KIAA0930: variants seen among roughly 807,000 people sequenced by gnomAD.
The protein encoded by KIAA0930 is uncharacterized protein KIAA0930.
Under a neutral mutation model 43.9 loss-of-function variants are expected in KIAA0930, and 24 were observed. The observed-to-expected ratio is 0.55, with a 90% confidence interval of 0.40 to 0.77. The LOEUF (loss-of-function observed/expected upper bound fraction) is 0.77, where lower values mean the gene tolerates loss of function less well. KIAA0930 is among the 30% of genes least tolerant of loss of function. The pLI, the probability that KIAA0930 is intolerant of heterozygous loss-of-function variation, is 0.00. For synonymous variants in KIAA0930, 259 were observed against 216.4 expected (o/e 1.20, Z -1.73); for missense variants, 461 against 574.2 (o/e 0.80, Z 2.02).
At chr22:45,205,519 C>A in intron 4 of KIAA0930, 111 bp downstream of exon 4, 1 of 1,090,022 alleles carries the variant, frequency 9.2e-7, no homozygotes, top group Non-Finnish European at 1.4e-6. Flanking sequence ...TTTCTGGAGT[C>A]AGACCCCTCA....
intron 7 of KIAA0930, among the ~76,000 whole-genome samples, chr22:45,201,972 C>T (rs1393214399): frequency 6.6e-6 from 1 of 151,384 alleles, no homozygotes; most frequent in African/African-American, 2.5e-5. Context: ...AGGGCCAAGC[C>T]CCGGATTCCT....
chr22:45,227,567 C>T (rs2083810035), intron 1 of KIAA0930, among the ~76,000 whole-genome samples: 1 of 152,204 alleles, frequency 6.6e-6, no homozygotes, highest in South Asian at 2.1e-4. Flanking sequence ...GTGCCTTAGC[C>T]TAAGTCCCAC....
intron 1 of KIAA0930, among the ~76,000 whole-genome samples, chr22:45,212,735 T>G (rs770510363): frequency 1.1e-4 from 16 of 152,256 alleles, no homozygotes; most frequent in South Asian, 2.1e-4. Context: ...GATAAATATT[T>G]GTAATATTTT....
At chr22:45,228,698 C>T (rs948195755) in intron 1 of KIAA0930, among the ~76,000 whole-genome samples, 1 of 148,244 alleles carries the variant, frequency 6.7e-6, no homozygotes, top group African/African-American at 2.5e-5. Flanking sequence ...CTCTCCACCC[C>T]CCCAACCACC....
intron 1 of KIAA0930, among the ~76,000 whole-genome samples, chr22:45,225,555 C>G (rs1027353615): frequency 6.6e-6 from 1 of 152,208 alleles, no homozygotes; most frequent in Non-Finnish European, 1.5e-5. Flanking sequence ...TCTGACCAAA[C>G]GCCCTGCATC....
intron 1 of KIAA0930, among the ~76,000 whole-genome samples, chr22:45,237,865 AAGTTCCT>A (rs1471910449): frequency 1.3e-5 from 2 of 151,688 alleles, no homozygotes; most frequent in Non-Finnish European, 2.9e-5. Flanking sequence ...TCTGGGCATC[AAGTTCCT>A]AGTAAGCTCA....
chr22:45,215,798 T>C (rs978350734), intron 1 of KIAA0930, among the ~76,000 whole-genome samples: 3 of 152,200 alleles, frequency 2.0e-5, no homozygotes, highest in Non-Finnish European at 2.9e-5. Context: ...CAGCATTTTT[T>C]TTTACTTAAT....
At chr22:45,206,640 T>C (rs146364286) in intron 2 of KIAA0930, among the ~76,000 whole-genome samples, 28 of 151,878 alleles carry the variant, frequency 1.8e-4, no homozygotes, top group East Asian at 1.5e-3. Context: ...AGATCAATAA[T>C]AAATACATAT....
At chr22:45,232,086 G>A (rs5765224) in intron 1 of KIAA0930, among the ~76,000 whole-genome samples, 11,650 of 152,248 alleles carry the variant, frequency 0.077, 611 homozygotes, top group East Asian at 0.19. Context: ...AGAACCAGAA[G>A]GGAGAAGCCT....
chr22:45,194,315 T>C lies in KIAA0930; in HGVS notation c.*2861A>G, dbSNP rs1471221907. The C allele has an allele frequency of 2.0e-5, 3 of 151,984 alleles. No homozygotes were observed. The highest frequency in any genetic ancestry group is 4.4e-5 in the Non-Finnish European group (3 of 68,018). 9.4% of individuals were successfully genotyped at this position (151,984 alleles called of 1,614,324 possible). The stretch of plus-strand genomic sequence containing the variant: ...GTCTTGAACTCCTGATCTCAGGTGA[T>C]CCACCCATCTCAGCCTCCCAAAGTG... On this transcript the variant is annotated 3_prime_UTR_variant, in exon 10 of 10. Coordinates refer to ENST00000336156, the MANE Select transcript of KIAA0930 (RefSeq NM_001009880.2).
rs1341770932 is a variant in KIAA0930 at position 45,205,272 on chromosome 22, T to G, written c.461A>C (p.Glu154Ala). 1 of 1,613,906 alleles carries G rather than the reference T, an allele frequency of 6.2e-7. No homozygotes were observed. Among genetic ancestry groups the G allele is most frequent in the Non-Finnish European group, 8.5e-7 (1 of 1,179,968 alleles). Residue 154 changes from glutamate (E) to alanine (A), a missense_variant, in exon 5 of 10, where the codon GAG becomes GCG. Glu to Ala is a moderately radical substitution (Grantham distance 107). Coordinates refer to ENST00000336156, the MANE Select transcript of KIAA0930 (RefSeq NM_001009880.2). ...PSKHPMDSKG[E>A]ESKISYPNIF... ...GTTGGGGTAGCTGATCTTGGACTCCTCCCCCTTGCTGTCCATGGGGTGTTT... is the reference window on the plus strand; with the variant it reads ...GTTGGGGTAGCTGATCTTGGACTCCGCCCCCTTGCTGTCCATGGGGTGTTT...
chr22:45,198,006 A>G, intron 8 of KIAA0930, 58 bp from the exon 9 acceptor site: 1 of 1,571,082 alleles, frequency 6.4e-7, no homozygotes, highest in Non-Finnish European at 8.7e-7. Flanking sequence ...CGGGAGCAGC[A>G]GGAGGCCAGC....
rs1307602381 is a variant in KIAA0930 at position 45,201,073 on chromosome 22, C to A, written c.853-1038G>T. 8.3e-6 allele frequency: 4 copies of A among 480,856 alleles called. No individual in the cohort carries two copies. In the East Asian group the frequency reaches 2.3e-4, roughly 27 times the overall value. The allele number at this position is 480,856 out of a possible 1,614,324, so 29.8% of individuals were successfully genotyped here. On this transcript the variant is annotated intron_variant, in intron 7 of 9. Transcript: ENST00000336156. ...TGAGCTGGGACTGAGACTTCGGGAGCCCCGTCAGCCTCCTCGTCACGGCTC... is the reference window on the plus strand; with the variant it reads ...TGAGCTGGGACTGAGACTTCGGGAGACCCGTCAGCCTCCTCGTCACGGCTC...
intron 7 of KIAA0930, 33 bp from the exon 8 acceptor site, chr22:45,200,068 C>T (rs143869786): frequency 1.3e-6 from 2 of 1,554,380 alleles, no homozygotes; most frequent in East Asian, 2.5e-5. Context: ...ACCAGAGTAG[C>T]AGAACAGCCC....
At chr22:45,199,748 G>A (rs1442820321) in intron 8 of KIAA0930, 125 bp downstream of exon 8, 6 of 1,026,728 alleles carry the variant, frequency 5.8e-6, no homozygotes, top group African/African-American at 5.0e-5. Context: ...CCTGGCACAT[G>A]GCACCCACTC....
intron 1 of KIAA0930, among the ~76,000 whole-genome samples, chr22:45,218,533 T>G (rs767340072): frequency 7.2e-5 from 11 of 151,798 alleles, no homozygotes; most frequent in Admixed American, 1.3e-4. Flanking sequence ...CAGATCCTCA[T>G]GGCAACTTTA....
At position 45,240,232 on chromosome 22, in the gene KIAA0930, C is replaced by A. The variant is rs114132455; in HGVS notation, c.64+408G>T. Among the ~76,000 whole-genome samples the A allele has an allele frequency of 7.0e-3, 1,070 of 152,330 alleles. 7 individuals carry two copies. Among genetic ancestry groups the A allele is most frequent in the African/African-American group, 0.024 (1,004 of 41,562 alleles). ...ACCCAGAGCCCAACGAGGGCCCGACCCTGCCGCGCTGGGCTAAGGGTGTAC... is the reference window on the plus strand; with the variant it reads ...ACCCAGAGCCCAACGAGGGCCCGACACTGCCGCGCTGGGCTAAGGGTGTAC... On this transcript the variant is annotated intron_variant, in intron 1 of 9. Coordinates refer to ENST00000336156, the MANE Select transcript of KIAA0930 (RefSeq NM_001009880.2).
intron 1 of KIAA0930, among the ~76,000 whole-genome samples, chr22:45,220,360 CAGG>C (rs1240624125): frequency 1.3e-5 from 2 of 151,726 alleles, no homozygotes; most frequent in African/African-American, 4.9e-5. Context: ...GAGGTTAAAG[CAGG>C]AGAATTGCTT....
chr22:45,230,626 A>C (rs2083847055), intron 1 of KIAA0930, among the ~76,000 whole-genome samples: 1 of 149,224 alleles, frequency 6.7e-6, no homozygotes, highest in African/African-American at 2.5e-5. Flanking sequence ...CTGTCACCCA[A>C]GCTAGAGTAC....
Sources: allele counts gnomAD v4.1 joint callset (sites outside exome capture counted in the v4.1 genomes callset), GRCh38; gene constraint gnomAD v4.1.1; transcripts MANE v1.5; gene names NCBI Gene and HGNC (gene_info 2026-07-23, HGNC 2026-07-21).